Variants in EYS observed in about 807,000 individuals in gnomAD.
EYS encodes the protein protein eyes shut homolog.
EYS carries 250 observed loss-of-function variants against 282.1 expected under a neutral mutation model. The ratio of observed to expected loss-of-function variants is 0.89; its 90% CI spans 0.80 to 0.98. EYS has a LOEUF of 0.98. Ranked by LOEUF, EYS falls within the 50% of genes least tolerant of loss-of-function variation. The pLI, the probability that EYS is intolerant of heterozygous loss-of-function variation, is 0.00. For synonymous variants in EYS, 1,355 were observed against 1,282.9 expected, an observed-to-expected ratio of 1.06 and a Z score of -1.20; for missense variants, 4,016 against 3,709.0, an observed-to-expected ratio of 1.08 and a Z score of -2.15.
chr6:65,072,291 ATAG>A (rs994911598), intron 12 of EYS, among the ~76,000 whole-genome samples: 1 of 151,800 alleles, frequency 6.6e-6, no homozygotes, highest in African/African-American at 2.4e-5. Flanking sequence ...AGACTAGACA[ATAG>A]TAGGAGAAGG....
chr6:64,822,801 A>C lies in EYS; in HGVS notation c.3014T>G (p.Leu1005Arg). 1 of 1,549,580 alleles carries C rather than the reference A, an allele frequency of 6.5e-7. No individual in the cohort carries two copies. The highest frequency in any genetic ancestry group is 1.2e-5 in the South Asian group (1 of 83,776). ...ACAGGGCTCTGATAGGCATTCATCT[A>C]GATTTATTTCACAGTTGATGCCTGT... The part of the protein sequence containing the change: ...GYTGINCEIN[L>R]DECLSEPCLH... The change falls in exon 20 of 43, where the codon CTA becomes CGA. Residue 1005 changes from leucine (L) to arginine (R), a missense_variant. Coordinates refer to ENST00000503581, the MANE Select transcript of EYS (RefSeq NM_001142800.2).
intron 16 of EYS, among the ~76,000 whole-genome samples, 159 bp from the exon 17 acceptor site, chr6:64,902,659 A>G (rs1158232736): frequency 1.3e-5 from 2 of 152,144 alleles, no homozygotes; most frequent in Non-Finnish European, 2.9e-5. Flanking sequence ...ATTTCACATA[A>G]TGTGTGCATA....
At chr6:65,474,311 T>C (rs1200234721) in intron 5 of EYS, among the ~76,000 whole-genome samples, 2 of 152,058 alleles carry the variant, frequency 1.3e-5, no homozygotes, top group Non-Finnish European at 2.9e-5. Flanking sequence ...TGTAACAAAC[T>C]GCAGAAAGAG....
intron 41 of EYS, among the ~76,000 whole-genome samples, chr6:63,749,045 T>G (rs527658999): frequency 5.6e-4 from 85 of 152,322 alleles, no homozygotes; most frequent in African/African-American, 2.0e-3. Flanking sequence ...GATTTGCTCT[T>G]GGTTCTCTAG....
intron 30 of EYS, among the ~76,000 whole-genome samples, chr6:64,260,524 G>A (rs1767552439): frequency 6.6e-6 from 1 of 151,996 alleles, no homozygotes; most frequent in Non-Finnish European, 1.5e-5. Context: ...TTTTGTAATG[G>A]AGGTACTGTT....
chr6:64,379,738 G>A (rs961660777), intron 29 of EYS: 4 of 152,126 alleles, frequency 2.6e-5, no homozygotes, highest in Admixed American at 6.5e-5. Context: ...TAGAATTTGT[G>A]ACTGAGATAA....
intron 5 of EYS, among the ~76,000 whole-genome samples, chr6:65,465,347 C>A (rs1038837065): frequency 2.0e-5 from 3 of 151,742 alleles, no homozygotes; most frequent in African/African-American, 7.3e-5. Flanking sequence ...TGTGGTGATG[C>A]ACACCTGCAG....
chr6:64,574,125 A>T (rs1038563662), intron 26 of EYS, among the ~76,000 whole-genome samples: 4 of 152,198 alleles, frequency 2.6e-5, no homozygotes, highest in African/African-American at 9.7e-5. Context: ...TGTCCTTTGC[A>T]GGGGCATGGA....
intron 5 of EYS, among the ~76,000 whole-genome samples, chr6:65,442,678 C>T (rs1018008622): frequency 5.9e-5 from 9 of 151,510 alleles, no homozygotes; most frequent in African/African-American, 1.9e-4. Context: ...TGTTTGAACC[C>T]AGGAGGTGGA....
intron 31 of EYS, among the ~76,000 whole-genome samples, chr6:64,167,026 A>G (rs936601886): frequency 6.6e-6 from 1 of 152,216 alleles, no homozygotes; most frequent in African/African-American, 2.4e-5. Context: ...TTATTTAATC[A>G]GTTTCTAAAA....
chr6:63,963,337 TCTTTAA>T (rs1766165569), intron 35 of EYS, among the ~76,000 whole-genome samples: 1 of 152,052 alleles, frequency 6.6e-6, no homozygotes, highest in African/African-American at 2.4e-5. Flanking sequence ...TCATATGAAC[TCTTTAA>T]CTTTATAAAA....
chr6:63,802,903 C>A (rs1002309688), intron 37 of EYS, among the ~76,000 whole-genome samples: 1 of 152,138 alleles, frequency 6.6e-6, no homozygotes, highest in Admixed American at 6.5e-5. Context: ...TTTATTTAAC[C>A]ATGCAATAAA....
intron 12 of EYS, among the ~76,000 whole-genome samples, chr6:65,166,199 TCCA>T (rs2150224534): frequency 6.6e-6 from 1 of 151,118 alleles, no homozygotes; most frequent in East Asian, 2.0e-4. Context: ...CCTACTGAAA[TCCA>T]AGCTGATTTT....
chr6:64,891,564 G>A (rs1167345222), intron 18 of EYS, among the ~76,000 whole-genome samples: 1 of 151,912 alleles, frequency 6.6e-6, no homozygotes, highest in Non-Finnish European at 1.5e-5. Flanking sequence ...TCCCCTCCTG[G>A]CCTCTGGCTA....
chr6:63,950,183 A>G (rs533382757), intron 35 of EYS, among the ~76,000 whole-genome samples: 7 of 150,180 alleles, frequency 4.7e-5, no homozygotes, highest in African/African-American at 7.5e-5. Flanking sequence ...AAAAACAAAA[A>G]CAAAACAAAA....
At chr6:65,265,388 G>T (rs1482961561) in intron 12 of EYS, among the ~76,000 whole-genome samples, 3 of 152,010 alleles carry the variant, frequency 2.0e-5, no homozygotes, top group Non-Finnish European at 4.4e-5. Context: ...AGGGGATAAG[G>T]TATTTAAAGC....
intron 5 of EYS, among the ~76,000 whole-genome samples, chr6:65,434,126 G>C (rs1767977016): frequency 6.6e-6 from 1 of 152,170 alleles, no homozygotes; most frequent in African/African-American, 2.4e-5. Flanking sequence ...GTGGAGGAGT[G>C]AATAGTGCAG....
intron 2 of EYS, among the ~76,000 whole-genome samples, chr6:65,570,664 C>G (rs976761398): frequency 9.9e-5 from 15 of 152,218 alleles, no homozygotes; most frequent in African/African-American, 3.6e-4. Flanking sequence ...TAGCCAATAA[C>G]TTTTAAGATA....
chr6:65,261,168 C>T (rs1454195367), intron 12 of EYS, among the ~76,000 whole-genome samples: 1 of 151,932 alleles, frequency 6.6e-6, no homozygotes, highest in Admixed American at 6.6e-5. Flanking sequence ...GATTATCTCA[C>T]ACAATACTGA....
Sources: allele counts gnomAD v4.1 joint callset (sites outside exome capture counted in the v4.1 genomes callset), GRCh38; gene constraint gnomAD v4.1.1; transcripts MANE v1.5; gene names NCBI Gene and HGNC (gene_info 2026-07-23, HGNC 2026-07-21).